Variants in COL6A5 observed in about 807,000 individuals in gnomAD.
The protein encoded by COL6A5 is collagen type VI alpha 5 chain.
In COL6A5, 48 loss-of-function variants were observed where a neutral mutation model predicts 65.6. The ratio of observed to expected loss-of-function variants is 0.73; its 90% CI spans 0.58 to 0.93. The LOEUF (loss-of-function observed/expected upper bound fraction) is 0.93. COL6A5 is among the 40% of genes least tolerant of loss of function. The pLI is 0.00. For missense variants in COL6A5, 914 were observed against 928.3 expected (o/e 0.98, Z 0.20); for synonymous variants, 291 against 322.8 (o/e 0.90, Z 1.05).
At chr3:130,370,930 G>T (rs1317001290) in intron 1 of COL6A5, among the ~76,000 whole-genome samples, 2 of 152,154 alleles carry the variant, frequency 1.3e-5, no homozygotes, top group Non-Finnish European at 2.9e-5. Context: ...ATGGCCACCT[G>T]GGGTAGGTAC....
intron 21 of COL6A5, 118 bp downstream of exon 21, chr3:130,413,698 G>A (rs1937251851): frequency 6.8e-6 from 7 of 1,028,338 alleles, no homozygotes; most frequent in Non-Finnish European, 1.0e-5. Context: ...GAAGTGCCCA[G>A]TACTGGACGT....
At chr3:130,407,232 T>C (rs367664425) in intron 17 of COL6A5, among the ~76,000 whole-genome samples, 1 of 152,236 alleles carries the variant, frequency 6.6e-6, no homozygotes, top group African/African-American at 2.4e-5. Flanking sequence ...CAAATTTTAC[T>C]TCCTGGAGGG....
upstream of COL6A5, among the ~76,000 whole-genome samples, chr3:130,430,328 CT>C (rs751331707): frequency 2.6e-5 from 4 of 152,238 alleles, no homozygotes; most frequent in Admixed American, 6.5e-5. Context: ...TTTAAAATTA[CT>C]GAAATTTCTT....
intron 6 of COL6A5, among the ~76,000 whole-genome samples, chr3:130,390,074 T>G (rs951084898): frequency 2.6e-5 from 4 of 152,188 alleles, no homozygotes; most frequent in African/African-American, 9.7e-5. Context: ...ACAGCTTAAT[T>G]GGAATTTTCT....
intron 13 of COL6A5, among the ~76,000 whole-genome samples, chr3:130,404,007 T>C (rs1936903564): frequency 6.6e-6 from 1 of 152,078 alleles, no homozygotes; most frequent in South Asian, 2.1e-4. Flanking sequence ...CTGGGCACCC[T>C]CCTCTCTACC....
At chr3:130,395,291 G>A in exon 8 of COL6A5, 1 of 1,551,558 alleles carries the variant, frequency 6.4e-7, no homozygotes, top group Non-Finnish European at 8.7e-7. Context: ...AACCCTGAAG[G>A]ACCTTGGAAT....
chr3:130,452,863 C>T (rs750472038), intron 4 of COL6A5, among the ~76,000 whole-genome samples: 1 of 152,088 alleles, frequency 6.6e-6, no homozygotes, highest in South Asian at 2.1e-4. Context: ...TTTAGAGGCC[C>T]ACCCTCAGGG....
chr3:130,352,506 A>G (rs559237493), intron 1 of COL6A5, among the ~76,000 whole-genome samples: 5 of 152,298 alleles, frequency 3.3e-5, no homozygotes, highest in African/African-American at 9.6e-5. Flanking sequence ...AGCAGTTTAC[A>G]TAAATAATTA....
At chr3:130,352,310 A>G (rs1020088239) in intron 1 of COL6A5, among the ~76,000 whole-genome samples, 2 of 152,180 alleles carry the variant, frequency 1.3e-5, no homozygotes, top group African/African-American at 4.8e-5. Context: ...GTGTAAAAAA[A>G]AAAAGATTCG....
intron 1 of COL6A5, among the ~76,000 whole-genome samples, chr3:130,359,466 G>C (rs1559856432): frequency 6.6e-6 from 1 of 151,256 alleles, no homozygotes; most frequent in African/African-American, 2.4e-5. Flanking sequence ...CTCACACAAG[G>C]AAAAAAATGT....
intron 5 of COL6A5, among the ~76,000 whole-genome samples, chr3:130,461,177 T>A (rs1204295975): frequency 6.6e-6 from 1 of 152,038 alleles, no homozygotes; most frequent in East Asian, 1.9e-4. Flanking sequence ...TCAAGAAGCT[T>A]TTCGTCTGTC....
At chr3:130,423,727 C>A in intron 28 of COL6A5, 111 bp from the exon 29 acceptor site, 1 of 686,500 alleles carries the variant, frequency 1.5e-6, no homozygotes, top group Non-Finnish European at 2.4e-6. Context: ...CAATTAATAG[C>A]TGCTATCTTT....
chr3:130,358,061 C>T (rs1017571462), intron 1 of COL6A5, among the ~76,000 whole-genome samples: 2 of 151,798 alleles, frequency 1.3e-5, no homozygotes, highest in African/African-American at 2.4e-5. Context: ...TGGTGGCGGG[C>T]GCCTGTAGTC....
upstream of COL6A5, among the ~76,000 whole-genome samples, chr3:130,430,979 C>T (rs1937777620): frequency 6.6e-6 from 1 of 152,144 alleles, no homozygotes; most frequent in Admixed American, 6.5e-5. Flanking sequence ...TTACATCTAT[C>T]TTTATAATTA....
exon 6 of COL6A5, chr3:130,388,885 G>A (rs1240912128): frequency 2.6e-6 from 4 of 1,549,906 alleles, no homozygotes; most frequent in South Asian, 1.2e-5. Context: ...CCACTCCAAG[G>A]GGGCCCGTTT....
Position 130,413,593 on chromosome 3 carries a change from G to C in COL6A5, c.4698+13G>C. 6.5e-7 allele frequency: 1 copy of C among 1,548,006 alleles called. No individual in the cohort carries two copies. Among genetic ancestry groups the C allele is most frequent in the Non-Finnish European group, 8.7e-7 (1 of 1,143,976 alleles). The stretch of plus-strand genomic sequence containing the variant: ...CCGAGGTGTCTCAGTAAGTAACCTT[G>C]ACTTCCTGTTCTCTGTGGTTGATGG... On this transcript the variant is annotated intron_variant and NMD_transcript_variant, in intron 21 of 41. Coordinates refer to the COL6A5 transcript ENST00000312481.
At chr3:130,484,182 T>A in exon 8 of COL6A5, 1 of 797,688 alleles carries the variant, frequency 1.3e-6, no homozygotes, top group Non-Finnish European at 1.8e-6. Context: ...AATTGGCTAA[T>A]AGCATGCTAA....
intron 7 of COL6A5, among the ~76,000 whole-genome samples, chr3:130,479,230 G>T (rs934255213): frequency 6.6e-6 from 1 of 150,880 alleles, no homozygotes; most frequent in Non-Finnish European, 1.5e-5. Flanking sequence ...TAGTGAAAAG[G>T]CACCACGTTT....
rs371815273 is a variant in COL6A5 at position 130,478,204 on chromosome 3, A to G, written c.2329-5831A>G. Among the ~76,000 whole-genome samples the G allele has an allele frequency of 4.6e-4, 70 of 152,270 alleles. No homozygotes were observed. In the South Asian group the frequency reaches 0.012, roughly 27 times the overall value. On this transcript the variant is annotated intron_variant, in intron 7 of 7. Coordinates refer to ENST00000512836, the Ensembl canonical transcript of COL6A5. ...CTTCAAACAGCTCTTAGCATAGAGTAAAAGCTTCATAAATGTTAGCTGCTA... is the reference window on the plus strand; with the variant it reads ...CTTCAAACAGCTCTTAGCATAGAGTGAAAGCTTCATAAATGTTAGCTGCTA...
Sources: gnomAD v4.1 joint callset for allele counts (sites outside exome capture counted in the v4.1 genomes callset) on GRCh38, gnomAD v4.1.1 for gene constraint, MANE v1.5 for transcripts, NCBI Gene and HGNC (gene_info 2026-07-23, HGNC 2026-07-21) for gene names.